Variants in NTM observed in about 807,000 individuals in gnomAD.
The protein encoded by NTM is IgLON family member 2.
NTM carries 13 observed loss-of-function variants against 42.1 expected under a neutral mutation model. The observed-to-expected ratio is 0.31, with a 90% CI of 0.20 to 0.49. The LOEUF is 0.49. NTM is among the 20% of genes least tolerant of loss of function. The pLI is 0.99. For missense variants in NTM, 373 were observed against 452.8 expected, an observed-to-expected ratio of 0.82 and a Z score of 1.60; for synonymous variants, 187 against 179.2, an observed-to-expected ratio of 1.04 and a Z score of -0.35.
At chr11:132,262,573 C>CTT (rs148189977) in intron 4 of NTM, among the ~76,000 whole-genome samples, 5 of 152,116 alleles carry the variant, frequency 3.3e-5, no homozygotes, top group African/African-American at 1.2e-4. Flanking sequence ...AGGATCATCT[C>CTT]TTTTTTTATC....
intron 1 of NTM, among the ~76,000 whole-genome samples, chr11:131,818,298 T>A (rs981972631): frequency 6.6e-6 from 1 of 152,162 alleles, no homozygotes; most frequent in East Asian, 1.9e-4. Context: ...GGGAAATAGG[T>A]AAAACATACT....
At chr11:131,629,459 A>G (rs996803655) in intron 1 of NTM, among the ~76,000 whole-genome samples, 1 of 152,198 alleles carries the variant, frequency 6.6e-6, no homozygotes, top group Non-Finnish European at 1.5e-5. Context: ...TCCTTACATG[A>G]AGGACAGAAC....
chr11:131,941,152 A>G (rs888210507), intron 2 of NTM, among the ~76,000 whole-genome samples: 1 of 152,248 alleles, frequency 6.6e-6, no homozygotes, highest in African/African-American at 2.4e-5. Flanking sequence ...AAAAATGGGC[A>G]GTAACTTATA....
At chr11:131,982,798 G>C (rs575552932) in intron 2 of NTM, among the ~76,000 whole-genome samples, 1 of 152,246 alleles carries the variant, frequency 6.6e-6, no homozygotes, top group Admixed American at 6.5e-5. Context: ...TAGTAACTCA[G>C]AGCTTTGGAA....
intron 1 of NTM, among the ~76,000 whole-genome samples, chr11:131,787,943 A>G (rs1361259852): frequency 6.6e-6 from 1 of 152,198 alleles, no homozygotes. Context: ...ATTCCTATAA[A>G]ACACTTCAAT....
At chr11:132,111,390 C>A (rs943096039) in intron 2 of NTM, among the ~76,000 whole-genome samples, 2 of 152,026 alleles carry the variant, frequency 1.3e-5, no homozygotes, top group African/African-American at 4.8e-5. Flanking sequence ...ACAAAACAAG[C>A]CTTCCAGTCA....
intron 1 of NTM, among the ~76,000 whole-genome samples, chr11:131,530,371 G>GA (rs1322772409): frequency 2.8e-5 from 3 of 106,436 alleles, no homozygotes; most frequent in East Asian, 2.8e-4. Context: ...AGGGCAAAAA[G>GA]AAAAAAGAAT....
intron 2 of NTM, among the ~76,000 whole-genome samples, chr11:131,956,179 C>T (rs1045059811): frequency 2.0e-5 from 3 of 152,190 alleles, no homozygotes; most frequent in Non-Finnish European, 4.4e-5. Context: ...GGCGCAGAGA[C>T]GTGGGGAATG....
At chr11:131,753,839 A>G (rs1323430479) in intron 1 of NTM, among the ~76,000 whole-genome samples, 3 of 151,554 alleles carry the variant, frequency 2.0e-5, no homozygotes, top group Non-Finnish European at 4.4e-5. Flanking sequence ...ACATGTATAC[A>G]TATGTAACTA....
intron 2 of NTM, among the ~76,000 whole-genome samples, chr11:132,043,956 CTATGTGTGTG>C (rs1235809856): frequency 1.0e-5 from 1 of 98,998 alleles, no homozygotes; most frequent in Admixed American, 1.2e-4. Flanking sequence ...CAGACACCAA[CTATGTGTGTG>C]TGTGTGTGTG....
intron 1 of NTM, among the ~76,000 whole-genome samples, chr11:131,396,238 G>A (rs983424126): frequency 3.3e-5 from 5 of 152,274 alleles, no homozygotes; most frequent in Non-Finnish European, 5.9e-5. Context: ...ACAAAACGGG[G>A]TCCATATCTG....
At chr11:131,632,952 C>T (rs775620280) in intron 1 of NTM, among the ~76,000 whole-genome samples, 107 of 147,054 alleles carry the variant, frequency 7.3e-4, no homozygotes, top group Non-Finnish European at 1.2e-3. Context: ...GGATTACAGG[C>T]GTGAGCCACC....
At chr11:131,723,437 A>G in intron 1 of NTM, among the ~76,000 whole-genome samples, 1 of 152,260 alleles carries the variant, frequency 6.6e-6, no homozygotes, top group East Asian at 1.9e-4. Flanking sequence ...TATGTGCAGC[A>G]TGGAGGGTTT....
intron 1 of NTM, among the ~76,000 whole-genome samples, chr11:131,439,621 C>A (rs187401719): frequency 6.6e-6 from 1 of 152,212 alleles, no homozygotes; most frequent in South Asian, 2.1e-4. Context: ...TAGTCATGCA[C>A]GGGATATAAT....
At chr11:131,658,687 C>T (rs1453975216) in intron 1 of NTM, among the ~76,000 whole-genome samples, 1 of 152,134 alleles carries the variant, frequency 6.6e-6, no homozygotes, top group Non-Finnish European at 1.5e-5. Context: ...AAGGTGTAAG[C>T]GGCCGGACGC....
intron 2 of NTM, among the ~76,000 whole-genome samples, chr11:132,026,285 T>G (rs1035220603): frequency 2.0e-5 from 3 of 152,240 alleles, no homozygotes; most frequent in African/African-American, 7.2e-5. Context: ...TTGCCCCGCA[T>G]GATCAGGAAG....
chr11:131,516,521 G>A (rs58325469), intron 1 of NTM, among the ~76,000 whole-genome samples: 2,577 of 152,282 alleles, frequency 0.017, 74 homozygotes, highest in African/African-American at 0.057. Flanking sequence ...GGGAATACAG[G>A]CACGTACCAC....
At chr11:131,952,487 A>G (rs540019508) in intron 2 of NTM, among the ~76,000 whole-genome samples, 2 of 152,192 alleles carry the variant, frequency 1.3e-5, no homozygotes, top group Non-Finnish European at 1.5e-5. Context: ...ATACATACTT[A>G]TGGGCATTTT....
chr11:131,370,893 G>C lies in NTM; in HGVS notation c.82+5G>C. 6.2e-7 allele frequency: 1 copy of C among 1,613,982 alleles called. No homozygotes were observed. The highest frequency in any genetic ancestry group is 8.5e-7 in the Non-Finnish European group (1 of 1,179,982). ...CTGCTCTGTGTCTCTTCCAAGGTAA[G>C]AGCTTGCTATTGATTTGCCTTCGGT... is the stretch of plus-strand genomic sequence containing the variant. On this transcript the variant is annotated splice_donor_5th_base_variant and intron_variant, in intron 1 of 8. Coordinates refer to ENST00000683400, the MANE Select transcript of NTM (RefSeq NM_001352005.2).
Sources: gnomAD v4.1 joint callset for allele counts (sites outside exome capture counted in the v4.1 genomes callset) on GRCh38, gnomAD v4.1.1 for gene constraint, MANE v1.5 for transcripts, NCBI Gene and HGNC (gene_info 2026-07-23, HGNC 2026-07-21) for gene names.